Variants in SYCP1 observed in about 807,000 individuals in gnomAD.
The protein encoded by SYCP1 is cancer/testis antigen 8.
In SYCP1, 64 loss-of-function variants were observed where a neutral mutation model predicts 153.1. The observed-to-expected ratio is 0.42, with a 90% CI of 0.34 to 0.51. The LOEUF (loss-of-function observed/expected upper bound fraction) is 0.51. SYCP1 is among the 20% of genes least tolerant of loss of function. SYCP1 has a pLI of 0.06. For missense variants in SYCP1, 997 were observed against 1,049.0 expected, an observed-to-expected ratio of 0.95 and a Z score of 0.68; for synonymous variants, 384 against 341.8, an observed-to-expected ratio of 1.12 and a Z score of -1.36.
At chr1:114,929,284 G>A (rs1669472879) in intron 23 of SYCP1, among the ~76,000 whole-genome samples, 1 of 151,628 alleles carries the variant, frequency 6.6e-6, no homozygotes, top group African/African-American at 2.4e-5. Flanking sequence ...CCAAAGGGAG[G>A]GCAGAGAAAC....
At chr1:114,952,565 A>G (rs367698586) in intron 27 of SYCP1, among the ~76,000 whole-genome samples, 10 of 152,174 alleles carry the variant, frequency 6.6e-5, no homozygotes, top group African/African-American at 2.4e-4. Flanking sequence ...TGTCCTTCAC[A>G]TGGCAGCAGG....
intron 6 of SYCP1, 107 bp from the exon 7 acceptor site, chr1:114,859,636 C>A: frequency 2.0e-6 from 1 of 507,106 alleles, no homozygotes; most frequent in Non-Finnish European, 2.9e-6. Context: ...GAAAATAATT[C>A]TTTTAGACCA....
At chr1:114,916,481 T>C (rs1288673681) in intron 20 of SYCP1, among the ~76,000 whole-genome samples, 2 of 152,036 alleles carry the variant, frequency 1.3e-5, no homozygotes, top group Non-Finnish European at 2.9e-5. Flanking sequence ...TTAATTGATA[T>C]TGGGTATTAT....
intron 15 of SYCP1, 108 bp downstream of exon 15, chr1:114,887,801 G>C: frequency 3.2e-6 from 2 of 616,118 alleles, no homozygotes; most frequent in Non-Finnish European, 5.0e-6. Flanking sequence ...TTTGCCAGTA[G>C]AGATTGCTTG....
intron 8 of SYCP1, among the ~76,000 whole-genome samples, chr1:114,862,083 G>A (rs143264189): frequency 6.6e-6 from 1 of 152,116 alleles, no homozygotes; most frequent in African/African-American, 2.4e-5. Flanking sequence ...TTACAGGCAT[G>A]AGCCACTGCA....
chr1:114,930,097 G>A (rs949611301), intron 23 of SYCP1, among the ~76,000 whole-genome samples: 5 of 151,960 alleles, frequency 3.3e-5, no homozygotes, highest in African/African-American at 4.8e-5. Flanking sequence ...TAATTCATGG[G>A]CCAAAGAAGA....
intron 21 of SYCP1, among the ~76,000 whole-genome samples, chr1:114,925,406 A>C (rs1385361640): frequency 6.6e-6 from 1 of 152,196 alleles, no homozygotes; most frequent in Non-Finnish European, 1.5e-5. Flanking sequence ...TTAAGGAAAA[A>C]AATTAAATGC....
rs1194644100 is a variant in SYCP1, at chr1:114,908,837, A to AT, written c.1321-1559dup. Reference sequence around the variant, plus strand: ...ATCTTGGTTATACTGGGGTTAGCATATATCTGTTGCCTTTTCCCTTGAGAA... The same window carrying AT: ...ATCTTGGTTATACTGGGGTTAGCATATTATCTGTTGCCTTTTCCCTTGAGAA... On this transcript the variant is annotated intron_variant, in intron 16 of 31. Coordinates refer to ENST00000369522, the MANE Select transcript of SYCP1 (RefSeq NM_003176.4). Among the ~76,000 whole-genome samples, 5 of 152,268 alleles carry AT rather than the reference A, an allele frequency of 3.3e-5. 1 individual carries two copies. Among genetic ancestry groups the AT allele is most frequent in the Admixed American group, 2.0e-4 (3 of 15,298 alleles).
At chr1:114,934,268 G>T (rs1669834591) in intron 23 of SYCP1, among the ~76,000 whole-genome samples, 1 of 152,126 alleles carries the variant, frequency 6.6e-6, no homozygotes, top group South Asian at 2.1e-4. Context: ...CATTCTTAAA[G>T]AAAAGAATTT....
intron 17 of SYCP1, 24 bp from the exon 18 acceptor site, chr1:114,911,455 T>C: frequency 6.7e-7 from 1 of 1,493,738 alleles, no homozygotes. Flanking sequence ...ACACTTGCCA[T>C]AGTTATATAT....
intron 23 of SYCP1, among the ~76,000 whole-genome samples, chr1:114,933,232 T>C (rs942295856): frequency 2.0e-5 from 3 of 152,278 alleles, no homozygotes; most frequent in Middle Eastern, 3.4e-3. Context: ...ACATTTGCTG[T>C]TCAGCAATAT....
At chr1:114,900,533 G>A (rs1293493943) in intron 16 of SYCP1, among the ~76,000 whole-genome samples, 2 of 152,082 alleles carry the variant, frequency 1.3e-5, no homozygotes, top group Non-Finnish European at 2.9e-5. Context: ...CACCTCCCTC[G>A]GCCTCCCGAA....
chr1:114,956,199 C>T (rs1160701377), intron 27 of SYCP1, among the ~76,000 whole-genome samples: 3 of 152,122 alleles, frequency 2.0e-5, no homozygotes, highest in Admixed American at 6.5e-5. Context: ...CCTGTTTGGG[C>T]TAACAAGATG....
intron 27 of SYCP1, among the ~76,000 whole-genome samples, chr1:114,972,889 T>C (rs1425063060): frequency 6.6e-6 from 1 of 152,150 alleles, no homozygotes; most frequent in Non-Finnish European, 1.5e-5. Flanking sequence ...GATGAAATAT[T>C]TATAAATATC....
At chr1:114,864,028 G>T (rs1422059737) in intron 8 of SYCP1, among the ~76,000 whole-genome samples, 2 of 151,288 alleles carry the variant, frequency 1.3e-5, no homozygotes, top group African/African-American at 2.4e-5. Flanking sequence ...TGCAGGTGGG[G>T]CTTAAAACCT....
Position 114,876,736 on chromosome 1 carries a change from G to T in SYCP1, c.728-1G>T. On this transcript the variant is annotated splice_acceptor_variant, in intron 10 of 31. Coordinates refer to ENST00000369522, the MANE Select transcript of SYCP1 (RefSeq NM_003176.4). LOFTEE classifies it high-confidence loss of function. Reference sequence around the variant, plus strand: ...ACAGTATATTTGTTTTATTTTTAAAGTAAAGGAAGATTATGAAAAAATCCA... The same window carrying T: ...ACAGTATATTTGTTTTATTTTTAAATTAAAGGAAGATTATGAAAAAATCCA... 1 of 1,337,164 alleles carries T rather than the reference G, an allele frequency of 7.5e-7. No homozygotes were observed. Among genetic ancestry groups the T allele is most frequent in the Admixed American group, 3.2e-5 (1 of 31,568 alleles). The allele number at this position is 1,337,164 out of a possible 1,614,324, so 82.8% of individuals were successfully genotyped here.
intron 15 of SYCP1, among the ~76,000 whole-genome samples, chr1:114,892,506 G>C (rs1442312905): frequency 6.6e-6 from 1 of 152,140 alleles, no homozygotes; most frequent in Non-Finnish European, 1.5e-5. Flanking sequence ...TAGTGGTTCT[G>C]GCTTCACCTG....
At chr1:114,984,020 C>T (rs557873852) in intron 29 of SYCP1, among the ~76,000 whole-genome samples, 10 of 152,140 alleles carry the variant, frequency 6.6e-5, no homozygotes, top group African/African-American at 2.4e-4. Flanking sequence ...CTGCTTCAGC[C>T]TCCTGAGTAG....
Position 114,872,711 on chromosome 1 carries a change from A to G in SYCP1, c.599-1795A>G, listed in dbSNP as rs544849192. Among the ~76,000 whole-genome samples, 5 of 152,120 alleles carry G rather than the reference A, an allele frequency of 3.3e-5. No homozygotes were observed. In the South Asian group the frequency reaches 8.3e-4, roughly 25 times the overall value. On this transcript the variant is annotated intron_variant, in intron 8 of 31. Coordinates refer to ENST00000369522, the MANE Select transcript of SYCP1 (RefSeq NM_003176.4). The stretch of plus-strand genomic sequence containing the variant: ...TTGGATATTCTGTTCTGTTCTTTCT[A>G]GTCTTTTTTCTCTTTGCCTTTCAGT...
Sources: allele counts gnomAD v4.1 joint callset (sites outside exome capture counted in the v4.1 genomes callset), GRCh38; gene constraint gnomAD v4.1.1; transcripts MANE v1.5; gene names NCBI Gene and HGNC (gene_info 2026-07-23, HGNC 2026-07-21).